The following HPCAL1 variants were observed in gnomAD, a reference collection of about 807,000 sequenced individuals.
HPCAL1 encodes hippocalcin-like protein 1.
Under a neutral mutation model 17.1 loss-of-function variants are expected in HPCAL1, and 8 were observed. That is an observed-to-expected ratio of 0.47 (90% CI 0.27 to 0.84). HPCAL1 has a LOEUF of 0.84. Ranked by LOEUF, HPCAL1 falls within the 40% of genes least tolerant of loss-of-function variation. The pLI is 0.13. For missense variants in HPCAL1, 165 were observed against 271.1 expected (o/e 0.61, Z 2.75); for synonymous variants, 112 against 111.4 (o/e 1.01, Z -0.03).
intron 1 of HPCAL1, among the ~76,000 whole-genome samples, chr2:10,332,439 C>T (rs565712913): frequency 1.3e-5 from 2 of 151,796 alleles, no homozygotes; most frequent in South Asian, 2.1e-4. Context: ...GGAAGCCCCT[C>T]GGTGCCCCCT....
intron 4 of HPCAL1, 69 bp downstream of exon 4, chr2:10,423,157 A>G (rs761935014): frequency 1.7e-6 from 2 of 1,183,014 alleles, no homozygotes; most frequent in Non-Finnish European, 2.5e-6. Flanking sequence ...GGTTTGGGGC[A>G]CCCCCTCCCC....
At chr2:10,347,099 C>T (rs1375312873) in intron 1 of HPCAL1, among the ~76,000 whole-genome samples, 1 of 152,058 alleles carries the variant, frequency 6.6e-6, no homozygotes, top group Non-Finnish European at 1.5e-5. Context: ...TAGAGAGCCC[C>T]GCACCGCCCC....
chr2:10,328,693 G>A (rs1664164728), intron 1 of HPCAL1, among the ~76,000 whole-genome samples: 1 of 152,112 alleles, frequency 6.6e-6, no homozygotes, highest in Non-Finnish European at 1.5e-5. Flanking sequence ...AGTAGGTCTT[G>A]CGACTCTTCA....
chr2:10,407,535 A>C (rs1408425355), intron 2 of HPCAL1, among the ~76,000 whole-genome samples: 1 of 152,190 alleles, frequency 6.6e-6, no homozygotes, highest in Non-Finnish European at 1.5e-5. Flanking sequence ...TGGTGAACAA[A>C]AGGAGGCAGA....
At chr2:10,306,988 C>T (rs889293169) in intron 1 of HPCAL1, among the ~76,000 whole-genome samples, 2 of 152,206 alleles carry the variant, frequency 1.3e-5, no homozygotes, top group Non-Finnish European at 2.9e-5. Flanking sequence ...GAAGCAAGTG[C>T]ACCCTGAATG....
At position 10,419,694 on chromosome 2, in the gene HPCAL1, G is replaced by C. The variant is rs573153314; in HGVS notation, c.-24-40G>C. On this transcript the variant is annotated intron_variant, in intron 2 of 4. Coordinates refer to ENST00000307845, the MANE Select transcript of HPCAL1 (RefSeq NM_002149.4). This position sits in a 1 kb window ranked among gnomAD's most constrained non-coding sequence, Gnocchi z 5.0. ...GGCACATGGCTCAGCCCTGCTCCGT[G>C]GCCGTGGGTGGCGTCCCCGGCTGAC... 1.9e-4 allele frequency: 299 copies of C among 1,556,042 alleles called. 1 individual carries two copies. The highest frequency in any genetic ancestry group is 1.3e-3 in the South Asian group (104 of 81,246).
intron 2 of HPCAL1, among the ~76,000 whole-genome samples, chr2:10,401,142 C>G (rs1363366624): frequency 6.6e-6 from 1 of 152,178 alleles, no homozygotes; most frequent in African/African-American, 2.4e-5. Context: ...CCCCGGGTCT[C>G]CAGGCCAGGT....
intron 2 of HPCAL1, among the ~76,000 whole-genome samples, chr2:10,403,120 G>A (rs1168233339): frequency 6.6e-5 from 10 of 152,158 alleles, no homozygotes; most frequent in Non-Finnish European, 2.9e-5. Flanking sequence ...ACTAAGACAA[G>A]AGCTAGGCAG....
chr2:10,385,514 G>A (rs1200283794), intron 1 of HPCAL1, among the ~76,000 whole-genome samples: 2 of 152,132 alleles, frequency 1.3e-5, no homozygotes, highest in Admixed American at 6.5e-5. Context: ...AGGCCGGGCT[G>A]GGCTGTGATT....
At chr2:10,313,245 A>G (rs1288249392) in intron 1 of HPCAL1, among the ~76,000 whole-genome samples, 1 of 152,216 alleles carries the variant, frequency 6.6e-6, no homozygotes, top group Non-Finnish European at 1.5e-5. Flanking sequence ...CAGGGAGGAC[A>G]AATTCTGGCT....
intron 1 of HPCAL1, among the ~76,000 whole-genome samples, chr2:10,348,962 TC>T (rs1665653351): frequency 6.6e-6 from 1 of 152,192 alleles, no homozygotes; most frequent in Non-Finnish European, 1.5e-5. Flanking sequence ...TCAATCACAT[TC>T]AGCATCTATT....
intron 1 of HPCAL1, among the ~76,000 whole-genome samples, chr2:10,335,486 A>G (rs762028906): frequency 1.3e-5 from 2 of 152,214 alleles, no homozygotes; most frequent in Non-Finnish European, 2.9e-5. Flanking sequence ...GGGGAACCTC[A>G]TGAGAGACCT....
chr2:10,418,446 C>CAAAAAAAA (rs58884767), intron 2 of HPCAL1, among the ~76,000 whole-genome samples: 3 of 60,178 alleles, frequency 5.0e-5, no homozygotes, highest in Non-Finnish European at 9.1e-5. Context: ...GACTCCATCT[C>CAAAAAAAA]AAAAAAAAAA....
chr2:10,346,870 C>T (rs1665494288), intron 1 of HPCAL1, among the ~76,000 whole-genome samples: 1 of 141,910 alleles, frequency 7.0e-6, no homozygotes, highest in African/African-American at 2.6e-5. Context: ...CACCCTCTTC[C>T]TTCTCTCTCC....
intron 1 of HPCAL1, among the ~76,000 whole-genome samples, chr2:10,345,426 A>G (rs1301775754): frequency 6.6e-6 from 1 of 150,646 alleles, no homozygotes; most frequent in African/African-American, 2.4e-5. Flanking sequence ...GATGAATGTG[A>G]CCTACTGTGG....
In HPCAL1 at chr2:10,342,594, G is replaced by A. The variant is rs762511532; in HGVS notation, c.-111+39417G>A. On this transcript the variant is annotated intron_variant, in intron 1 of 4. Transcript: ENST00000307845. The surrounding 1 kb of genome is among the most constrained non-coding windows in gnomAD (Gnocchi z 4.1). ...TTTTGGCAGGGGAGGAAATTGAGGT[G>A]AAAGCATTCCAGGCCTAGGGAACAG... Among the ~76,000 whole-genome samples the A allele has an allele frequency of 3.3e-5, 5 of 152,246 alleles. No individual in the cohort carries two copies. Among genetic ancestry groups the A allele is most frequent in the Non-Finnish European group, 7.3e-5 (5 of 68,038 alleles).
rs988157425 is a variant in HPCAL1 at position 10,354,580 on chromosome 2, T to C, written c.-110-42255T>C. On this transcript the variant is annotated intron_variant, in intron 1 of 4. Transcript: ENST00000307845. The surrounding 1 kb of genome is among the most constrained non-coding windows in gnomAD (Gnocchi z 5.1). ...GCTCCCAGGGCTCATCGCACAGCCA[T>C]GGCCGAGGTGTCGGGACTCAAATTC... Among the ~76,000 whole-genome samples, 6 of 152,232 alleles carry C rather than the reference T, an allele frequency of 3.9e-5. No homozygotes were observed. The highest frequency in any genetic ancestry group is 7.3e-5 in the Non-Finnish European group (5 of 68,044).
intron 1 of HPCAL1, among the ~76,000 whole-genome samples, chr2:10,387,881 C>CTTTCT (rs895132675): frequency 2.6e-5 from 4 of 152,192 alleles, no homozygotes; most frequent in Non-Finnish European, 4.4e-5. Flanking sequence ...TGGATCTTTC[C>CTTTCT]TTTCTTTTCT....
chr2:10,308,392 G>C (rs1254252100), intron 1 of HPCAL1, among the ~76,000 whole-genome samples: 3 of 152,120 alleles, frequency 2.0e-5, no homozygotes, highest in African/African-American at 7.2e-5. Context: ...CATCACCCCA[G>C]AAAGATCCCT....
Sources: gnomAD v4.1 joint callset for allele counts (sites outside exome capture counted in the v4.1 genomes callset) on GRCh38, gnomAD v4.1.1 for gene constraint, Gnocchi (gnomAD v3.1) non-coding constraint, MANE v1.5 for transcripts, NCBI Gene and HGNC (gene_info 2026-07-23, HGNC 2026-07-21) for gene names.